The following ALDH9A1 variants were observed in gnomAD, a reference collection of about 807,000 sequenced individuals.
The protein encoded by ALDH9A1 is aldehyde dehydrogenase 9 family member A1.
In ALDH9A1, 42 loss-of-function variants were observed where a neutral mutation model predicts 56.6. The ratio of observed to expected loss-of-function variants is 0.74; its 90% CI spans 0.58 to 0.96. ALDH9A1 has a LOEUF of 0.96. Ranked by LOEUF, ALDH9A1 falls within the 40% of genes least tolerant of loss-of-function variation. The pLI, the probability that ALDH9A1 is intolerant of heterozygous loss-of-function variation, is 0.00. For missense variants in ALDH9A1, 661 were observed against 651.5 expected (o/e 1.01, Z -0.16); for synonymous variants, 242 against 236.0 (o/e 1.03, Z -0.23).
intron 6 of ALDH9A1, among the ~76,000 whole-genome samples, chr1:165,670,627 T>G (rs1649146350): frequency 6.6e-6 from 1 of 152,162 alleles, no homozygotes; most frequent in African/African-American, 2.4e-5. Flanking sequence ...ATAAAATTAT[T>G]TGCAACATTT....
chr1:165,692,746 T>C (rs79277215), intron 2 of ALDH9A1, among the ~76,000 whole-genome samples: 100,182 of 148,434 alleles, frequency 0.67, 34,301 homozygotes, highest in East Asian at 0.98. Context: ...AAAAAGAGCC[T>C]GCATTGCCAA....
At chr1:165,682,047 G>A (rs1381731619) in intron 4 of ALDH9A1, 60 bp downstream of exon 4, 2 of 1,592,392 alleles carry the variant, frequency 1.3e-6, no homozygotes, top group East Asian at 4.5e-5. Context: ...AGAGAATGGG[G>A]AGAGAACGAA....
intron 6 of ALDH9A1, chr1:165,676,531 C>T (rs761906705): frequency 1.7e-5 from 5 of 288,754 alleles, no homozygotes; most frequent in South Asian, 4.1e-5. Context: ...GTTGGCACTG[C>T]TGTAAACAAA....
At chr1:165,698,305 A>C in intron 1 of ALDH9A1, 73 bp downstream of exon 1, 1 of 1,528,616 alleles carries the variant, frequency 6.5e-7, no homozygotes, top group Non-Finnish European at 8.7e-7. Flanking sequence ...AGAACACAGG[A>C]AACGGGGGCT....
chr1:165,698,375 T>C lies in ALDH9A1; in HGVS notation c.181+3A>G. On this transcript the variant is annotated splice_donor_region_variant and intron_variant, in intron 1 of 10. Coordinates refer to ENST00000354775, the MANE Select transcript of ALDH9A1 (RefSeq NM_000696.4). ...CCCAGCCTCCCCGGCTCGTTGCAGT[T>C]ACCGGTTGCTGGCTCGAAAGCTTTC... 1 of 1,589,762 alleles carries C rather than the reference T, an allele frequency of 6.3e-7. No homozygotes were observed. The highest frequency in any genetic ancestry group is 1.4e-5 in the African/African-American group (1 of 72,994).
rs564997052 is a variant in ALDH9A1 at position 165,664,922 on chromosome 1, G to A, written c.1462+96C>T. ...AACCTGTATTTCCCCAGGTAATTCAGATATGCAGACAGGTTTAGGAATACT... is the reference window on the plus strand; with the variant it reads ...AACCTGTATTTCCCCAGGTAATTCAAATATGCAGACAGGTTTAGGAATACT... On this transcript the variant is annotated intron_variant, in intron 10 of 10. Coordinates refer to ENST00000354775, the MANE Select transcript of ALDH9A1 (RefSeq NM_000696.4). 8.7e-6 allele frequency: 8 copies of A among 922,776 alleles called. No individual in the cohort carries two copies. In the South Asian group the frequency reaches 1.0e-4, roughly 12 times the overall value. 57.2% of individuals were successfully genotyped at this position (922,776 alleles called of 1,614,324 possible). A position where few individuals can be genotyped will look rare whatever the true frequency, so the allele number is the denominator to read the frequency against.
At chr1:165,663,765 A>G (rs1016024480) in intron 10 of ALDH9A1, among the ~76,000 whole-genome samples, 1 of 152,210 alleles carries the variant, frequency 6.6e-6, no homozygotes, top group Admixed American at 6.5e-5. Context: ...GGTCCCAAAT[A>G]TGTGCATTTC....
chr1:165,687,294 C>CA (rs56034005), intron 2 of ALDH9A1, among the ~76,000 whole-genome samples: 48,488 of 145,026 alleles, frequency 0.33, 8,067 homozygotes, highest in South Asian at 0.55. Context: ...GAAGAGGGGG[C>CA]AAAAAAAAAA....
chr1:165,696,477 T>C (rs890892488), intron 1 of ALDH9A1, among the ~76,000 whole-genome samples: 1 of 152,216 alleles, frequency 6.6e-6, no homozygotes, highest in Non-Finnish European at 1.5e-5. Flanking sequence ...CTATATTCTA[T>C]GTAGGTTATA....
At chr1:165,694,421 G>A (rs947810379) in intron 2 of ALDH9A1, among the ~76,000 whole-genome samples, 2 of 151,938 alleles carry the variant, frequency 1.3e-5, no homozygotes. Context: ...TTTGCGATGA[G>A]TATTAAATAC....
At chr1:165,674,807 A>C (rs371899745) in intron 6 of ALDH9A1, among the ~76,000 whole-genome samples, 1 of 152,198 alleles carries the variant, frequency 6.6e-6, no homozygotes, top group South Asian at 2.1e-4. Context: ...TCCCATGCTC[A>C]GTGCAGCATT....
Position 165,683,006 on chromosome 1 carries a change from A to C in ALDH9A1, c.432T>G (p.Tyr144Ter). Residue 144 changes from tyrosine to a stop codon, truncating the protein, a stop_gained, in exon 3 of 11, where the codon TAT becomes TAG. Coordinates refer to ENST00000354775, the MANE Select transcript of ALDH9A1 (RefSeq NM_000696.4). LOFTEE classifies it high-confidence loss of function. ...CAGCCATGGATGCAGCCAAGCCCGC[A>C]TAATACTCCAGGCACTGCCAGGAAA... ...IDISWQCLEY[Y>*]AGLAASMAGE... 1.2e-6 allele frequency: 2 copies of C among 1,614,110 alleles called. No individual in the cohort carries two copies. The highest frequency in any genetic ancestry group is 1.3e-5 in the African/African-American group (1 of 75,058).
At chr1:165,663,672 A>G (rs1485125851) in intron 10 of ALDH9A1, among the ~76,000 whole-genome samples, 1 of 152,220 alleles carries the variant, frequency 6.6e-6, no homozygotes, top group Non-Finnish European at 1.5e-5. Flanking sequence ...TACTGTGCTA[A>G]AAGGGTAGTA....
chr1:165,664,962 G>T, intron 10 of ALDH9A1, 56 bp downstream of exon 10: 1 of 1,376,524 alleles, frequency 7.3e-7, no homozygotes, highest in Non-Finnish European at 1.0e-6. Flanking sequence ...TATAAGGTCT[G>T]AATTACGACC....
At position 165,698,494 on chromosome 1, in the gene ALDH9A1, A is replaced by G; in HGVS notation, c.65T>C (p.Val22Ala). The G allele has an allele frequency of 6.2e-7, 1 of 1,608,872 alleles. No homozygotes were observed. The highest frequency in any genetic ancestry group is 8.5e-7 in the Non-Finnish European group (1 of 1,177,982). Residue 22 changes from valine to alanine, a missense_variant, in exon 1 of 11, where the codon GTC (valine) becomes GCC (alanine). Transcript: ENST00000354775. Reference protein sequence around the residue: ...PLLRSLRPSPVAAMSTGTFVV... With the variant: ...PLLRSLRPSPAAAMSTGTFVV... Reference sequence around the variant, plus strand: ...GAAGGTGCCAGTGCTCATGGCGGCGACAGGAGAGGGCCGAAGACTGCGAAG... The same window carrying G: ...GAAGGTGCCAGTGCTCATGGCGGCGGCAGGAGAGGGCCGAAGACTGCGAAG...
chr1:165,696,062 G>A (rs190807655), intron 1 of ALDH9A1, among the ~76,000 whole-genome samples: 69 of 152,168 alleles, frequency 4.5e-4, no homozygotes, highest in African/African-American at 1.7e-3. Flanking sequence ...ATGTTGGCCA[G>A]GCTGGTCTTA....
At chr1:165,678,107 G>C (rs1649427457) in intron 6 of ALDH9A1, among the ~76,000 whole-genome samples, 1 of 152,026 alleles carries the variant, frequency 6.6e-6, no homozygotes, top group Non-Finnish European at 1.5e-5. Flanking sequence ...AGGCCAACGT[G>C]GGTGGATTGT....
chr1:165,695,509 TTC>T (rs571562868), intron 1 of ALDH9A1, 112 bp from the exon 2 acceptor site: 10,782 of 245,254 alleles, frequency 0.044, 649 homozygotes, highest in South Asian at 0.15. Context: ...TTTTTTTTTT[TTC>T]TTGAGATGGA....
In ALDH9A1 at chr1:165,679,012, T is replaced by G. The variant is rs145470265; in HGVS notation, c.930+430A>C. On this transcript the variant is annotated intron_variant, in intron 6 of 10. Transcript: ENST00000354775. ...TTGTTCTATTTTACTATGAGGACAT[T>G]AGTCAAACAAGTGGCAAAATTTGAA... Among the ~76,000 whole-genome samples the G allele has an allele frequency of 3.9e-5, 6 of 152,348 alleles. No homozygotes were observed. The East Asian group carries it at 1.2e-3, about 29-fold the overall frequency.
Sources: allele counts gnomAD v4.1 joint callset (sites outside exome capture counted in the v4.1 genomes callset), GRCh38; gene constraint gnomAD v4.1.1; transcripts MANE v1.5; gene names NCBI Gene and HGNC (gene_info 2026-07-23, HGNC 2026-07-21).